TPO: variants seen among roughly 807,000 people sequenced by gnomAD.
The protein encoded by TPO is thyroid microsomal antigen.
In TPO, 78 loss-of-function variants were observed where a neutral mutation model predicts 96.9. The ratio of observed to expected loss-of-function variants is 0.81; its 90% CI spans 0.67 to 0.97. The LOEUF is 0.97. Among genes scored for constraint, TPO ranks in the 50% least tolerant of loss-of-function variants. The pLI, the probability that TPO is intolerant of heterozygous loss-of-function variation, is 0.00. For missense variants in TPO, 1,252 were observed against 1,274.8 expected (o/e 0.98, Z 0.27); for synonymous variants, 547 against 538.0 (o/e 1.02, Z -0.23).
At chr2:1,397,551 A>G (rs1558246155) in intron 1 of TPO, among the ~76,000 whole-genome samples, 1 of 152,224 alleles carries the variant, frequency 6.6e-6, no homozygotes, top group Admixed American at 6.5e-5. Flanking sequence ...CTGGAAAGAC[A>G]TAGCCAGCTC....
chr2:1,420,197 C>T (rs942650034), intron 2 of TPO, among the ~76,000 whole-genome samples: 5 of 152,154 alleles, frequency 3.3e-5, no homozygotes, highest in Admixed American at 1.3e-4. Flanking sequence ...AACATATGAT[C>T]AGTTAAACTT....
chr2:1,503,745 T>C (rs1429625768), intron 13 of TPO: 1 of 909,906 alleles, frequency 1.1e-6, no homozygotes, highest in Admixed American at 2.0e-5. Context: ...TCAGAGCCCG[T>C]GGCCAGCGCA....
At chr2:1,395,997 A>G (rs1481645765) in intron 1 of TPO, among the ~76,000 whole-genome samples, 1 of 152,206 alleles carries the variant, frequency 6.6e-6, no homozygotes, top group Non-Finnish European at 1.5e-5. Context: ...GCAGCGTGAA[A>G]ACAGACTAAT....
At chr2:1,443,007 C>T (rs1016530141) in intron 5 of TPO, among the ~76,000 whole-genome samples, 2 of 152,122 alleles carry the variant, frequency 1.3e-5, no homozygotes, top group Admixed American at 6.5e-5. Flanking sequence ...AGGCTGAGGT[C>T]GGGGGATCGC....
chr2:1,463,131 C>T (rs6717381), intron 7 of TPO, among the ~76,000 whole-genome samples: 1 of 152,024 alleles, frequency 6.6e-6, no homozygotes, highest in East Asian at 1.9e-4. Flanking sequence ...TGGGTGAGAA[C>T]GTGGGAGAGG....
intron 3 of TPO, among the ~76,000 whole-genome samples, chr2:1,423,567 T>C (rs1664014317): frequency 6.6e-6 from 1 of 152,202 alleles, no homozygotes; most frequent in African/African-American, 2.4e-5. Context: ...TTAGCATTTG[T>C]AATTATATAA....
At chr2:1,376,935 A>T (rs892703330) in intron 1 of TPO, among the ~76,000 whole-genome samples, 1 of 152,224 alleles carries the variant, frequency 6.6e-6, no homozygotes, top group Admixed American at 6.5e-5. Flanking sequence ...ACCAGTGAAG[A>T]CAGCTTTTGG....
chr2:1,507,351 T>G (rs1282499602), intron 14 of TPO, among the ~76,000 whole-genome samples: 1 of 152,224 alleles, frequency 6.6e-6, no homozygotes, highest in Non-Finnish European at 1.5e-5. Flanking sequence ...GGCTTAGGAT[T>G]GACTTGGCAA....
chr2:1,487,083 G>A (rs1222127296), intron 9 of TPO, among the ~76,000 whole-genome samples: 1 of 152,212 alleles, frequency 6.6e-6, no homozygotes, highest in Non-Finnish European at 1.5e-5. Context: ...AGGCCGTGGG[G>A]CCTGCTTTCC....
intron 15 of TPO, among the ~76,000 whole-genome samples, chr2:1,525,768 C>G (rs1312868541): frequency 6.2e-5 from 9 of 144,838 alleles, no homozygotes; most frequent in Non-Finnish European, 1.4e-4. Flanking sequence ...TGGGCAACCA[C>G]ACTAAATCCC....
intron 2 of TPO, among the ~76,000 whole-genome samples, chr2:1,415,799 T>C (rs1337816973): frequency 2.0e-5 from 3 of 152,208 alleles, no homozygotes; most frequent in African/African-American, 4.8e-5. Context: ...GAGTCCTCGC[T>C]GTTCCCAGCC....
rs139312937 is a variant in TPO at position 1,453,723 on chromosome 2, C to T, written c.512C>T (p.Thr171Met). The stretch of plus-strand genomic sequence containing the variant: ...CACCCCAGATGGGGCGCCTCCAACA[C>T]GGCCCTGGCACGATGGCTCCCTCCA... The part of the protein sequence containing the change: ...RDHPRWGASN[T>M]ALARWLPPVY... The change falls in exon 6 of 17, where the codon ACG becomes ATG. Residue 171 changes from threonine to methionine, a missense_variant. Transcript: ENST00000329066. 41 of 1,613,868 alleles carry T rather than the reference C, an allele frequency of 2.5e-5. No individual in the cohort carries two copies. The highest frequency in any genetic ancestry group is 1.6e-4 in the Middle Eastern group (1 of 6,084).
intron 1 of TPO, among the ~76,000 whole-genome samples, chr2:1,377,333 A>G (rs999621130): frequency 6.6e-6 from 1 of 152,214 alleles, no homozygotes; most frequent in East Asian, 1.9e-4. Context: ...AAGCCCTACA[A>G]GGATAATACA....
intron 15 of TPO, among the ~76,000 whole-genome samples, chr2:1,539,676 T>C (rs1265188100): frequency 6.6e-6 from 1 of 152,052 alleles, no homozygotes; most frequent in Non-Finnish European, 1.5e-5. Flanking sequence ...GGGAGTTGTT[T>C]GTTTGTAGGT....
chr2:1,506,132 C>T (rs190305061), intron 14 of TPO, among the ~76,000 whole-genome samples: 7 of 151,696 alleles, frequency 4.6e-5, no homozygotes, highest in African/African-American at 9.7e-5. Context: ...TGAGAACATG[C>T]GGTGTTTGGT....
intron 14 of TPO, among the ~76,000 whole-genome samples, chr2:1,508,178 G>A (rs1673684441): frequency 6.6e-6 from 1 of 152,074 alleles, no homozygotes; most frequent in African/African-American, 2.4e-5. Flanking sequence ...TTTATATGCT[G>A]GATTACATTT....
intron 7 of TPO, among the ~76,000 whole-genome samples, chr2:1,464,838 A>G (rs1668755490): frequency 1.3e-5 from 2 of 151,912 alleles, no homozygotes; most frequent in East Asian, 1.9e-4. Flanking sequence ...ATTTTCTCCC[A>G]CTCTGTGAGT....
chr2:1,442,530 C>T (rs1268724656), intron 5 of TPO, among the ~76,000 whole-genome samples: 1 of 152,076 alleles, frequency 6.6e-6, no homozygotes, highest in Non-Finnish European at 1.5e-5. Flanking sequence ...ATGAATTCAC[C>T]TAGATACTTC....
intron 1 of TPO, among the ~76,000 whole-genome samples, chr2:1,391,679 CTTTTATTTCTT>C: frequency 6.6e-6 from 1 of 152,308 alleles, no homozygotes; most frequent in South Asian, 2.1e-4. Context: ...TTTGTGTCCT[CTTTTATTTCTT>C]TGAGCAGTAG....
Sources: gnomAD v4.1 joint callset for allele counts (sites outside exome capture counted in the v4.1 genomes callset) on GRCh38, gnomAD v4.1.1 for gene constraint, MANE v1.5 for transcripts, NCBI Gene and HGNC (gene_info 2026-07-23, HGNC 2026-07-21) for gene names.